Variants in CHD9 observed in about 807,000 individuals in gnomAD.
CHD9 encodes the protein chromodomain helicase DNA binding protein 9, also known as ATP-dependent chromatin remodeler CHD9.
CHD9 carries 77 observed loss-of-function variants against 316.1 expected under a neutral mutation model. The observed-to-expected ratio is 0.24, with a 90% confidence interval of 0.20 to 0.29. The LOEUF is 0.29. Ranked by LOEUF, CHD9 falls within the 10% of genes least tolerant of loss-of-function variation. The pLI is 1.00. For missense variants in CHD9, 2,763 were observed against 3,438.1 expected (o/e 0.80, Z 4.91); for synonymous variants, 1,129 against 1,158.3 (o/e 0.97, Z 0.51).
chr16:53,322,778 T>C (rs187104612), intron 38 of CHD9, among the ~76,000 whole-genome samples: 239 of 152,250 alleles, frequency 1.6e-3, no homozygotes, highest in African/African-American at 5.4e-3. Context: ...CTAAGTTCGC[T>C]GTGATTCTAT....
chr16:53,230,773 TGAA>T (rs34278050), intron 8 of CHD9, among the ~76,000 whole-genome samples: 42,156 of 151,854 alleles, frequency 0.28, 5,913 homozygotes, highest in Middle Eastern at 0.32. Flanking sequence ...GAAGTGAGGA[TGAA>T]GAAGGAGGAA....
intron 1 of CHD9, among the ~76,000 whole-genome samples, chr16:53,088,309 G>A (rs536941832): frequency 5.5e-5 from 7 of 128,048 alleles, no homozygotes; most frequent in African/African-American, 1.2e-4. Flanking sequence ...ATGGAGTCTC[G>A]TTCTGTCGCC....
Position 53,226,293 on chromosome 16 carries a change from C to A in CHD9, c.1897-73C>A, listed in dbSNP as rs2047649650. 3.8e-6 allele frequency: 4 copies of A among 1,053,090 alleles called. No individual in the cohort carries two copies. The East Asian group carries it at 1.1e-4, about 30-fold the overall frequency. The allele number at this position is 1,053,090 out of a possible 1,614,324, so 65.2% of individuals were successfully genotyped here. A position where few individuals can be genotyped will look rare whatever the true frequency, so the allele number is the denominator to read the frequency against. ...AATTTAATATACAAAATTGCCAACT[C>A]TAGGGGTAATTATTTTCAAAAACTT... On this transcript the variant is annotated intron_variant, in intron 4 of 38. Coordinates refer to ENST00000447540, the MANE Select transcript of CHD9 (RefSeq NM_001308319.2).
intron 1 of CHD9, among the ~76,000 whole-genome samples, chr16:53,144,304 A>G (rs1418752876): frequency 6.6e-6 from 1 of 152,208 alleles, no homozygotes; most frequent in African/African-American, 2.4e-5. Flanking sequence ...ACAAGCATCC[A>G]GTTAAAACCT....
chr16:53,144,161 A>G (rs944165858), intron 1 of CHD9, among the ~76,000 whole-genome samples: 1 of 152,152 alleles, frequency 6.6e-6, no homozygotes, highest in Non-Finnish European at 1.5e-5. Context: ...TTTCTTCCCA[A>G]TGAAGCTTAT....
chr16:53,236,793 T>A (rs1225697353), intron 11 of CHD9, among the ~76,000 whole-genome samples: 1 of 152,090 alleles, frequency 6.6e-6, no homozygotes, highest in Non-Finnish European at 1.5e-5. Context: ...TCCAACAGTT[T>A]CCACAGTGTG....
At chr16:53,310,832 CAA>C (rs2153094271) in intron 34 of CHD9, 1 of 149,574 alleles carries the variant, frequency 6.7e-6, no homozygotes, top group Non-Finnish European at 1.5e-5. Context: ...GCCTGGGCAA[CAA>C]GAGCGAAACC....
At chr16:53,155,339 C>A (rs561423738) in intron 1 of CHD9, among the ~76,000 whole-genome samples, 90 of 152,120 alleles carry the variant, frequency 5.9e-4, no homozygotes, top group African/African-American at 2.0e-3. Context: ...CCTCCCACCT[C>A]AGCCTCCCAG....
intron 1 of CHD9, 142 bp from the exon 2 acceptor site, chr16:53,155,784 T>A (rs886182317): frequency 1.0e-5 from 3 of 289,462 alleles, no homozygotes; most frequent in Non-Finnish European, 1.9e-5. Context: ...ACTTTTGACA[T>A]TTTATATAAA....
At chr16:53,058,081 A>G (rs2032376922) in intron 1 of CHD9, among the ~76,000 whole-genome samples, 1 of 152,104 alleles carries the variant, frequency 6.6e-6, no homozygotes, top group African/African-American at 2.4e-5. Flanking sequence ...AATAATATGT[A>G]TATATATCAA....
chr16:53,175,703 C>T (rs1018661118), intron 2 of CHD9, among the ~76,000 whole-genome samples: 17 of 152,128 alleles, frequency 1.1e-4, no homozygotes, highest in African/African-American at 4.1e-4. Flanking sequence ...ATTTTCAAAG[C>T]TTTGATATGA....
chr16:53,109,053 T>C (rs2037618398), intron 1 of CHD9, among the ~76,000 whole-genome samples: 1 of 152,192 alleles, frequency 6.6e-6, no homozygotes, highest in South Asian at 2.1e-4. Flanking sequence ...AATAATGAGA[T>C]GAGAGTCTGG....
intron 1 of CHD9, among the ~76,000 whole-genome samples, chr16:53,093,930 G>A (rs192036167): frequency 7.2e-5 from 11 of 152,280 alleles, no homozygotes; most frequent in Admixed American, 3.9e-4. Flanking sequence ...GTTCGATTGC[G>A]AGTGTCCCAG....
intron 20 of CHD9, among the ~76,000 whole-genome samples, chr16:53,266,120 A>G (rs922374816): frequency 2.0e-5 from 3 of 152,164 alleles, no homozygotes; most frequent in Admixed American, 6.6e-5. Context: ...ATTGTAGCAT[A>G]CAAGATCCAT....
intron 30 of CHD9, chr16:53,299,177 G>T (rs558505805): frequency 6.2e-6 from 1 of 161,782 alleles, no homozygotes; most frequent in East Asian, 1.8e-4. Flanking sequence ...GAAATAAATA[G>T]CCCTAACCTC....
intron 2 of CHD9, among the ~76,000 whole-genome samples, chr16:53,167,488 T>G (rs2042351248): frequency 6.6e-6 from 1 of 152,180 alleles, no homozygotes; most frequent in Non-Finnish European, 1.5e-5. Context: ...CTGATTCATT[T>G]CCAGTTGACA....
At chr16:53,314,310 A>AG in intron 34 of CHD9, 67 bp from the exon 35 acceptor site, 1 of 1,125,650 alleles carries the variant, frequency 8.9e-7, no homozygotes, top group Non-Finnish European at 1.2e-6. Context: ...TATTTAGGAA[A>AG]GGGATTACTT....
At chr16:53,204,058 T>TACACACACACACACAC (rs58259105) in intron 2 of CHD9, among the ~76,000 whole-genome samples, 2 of 62,964 alleles carry the variant, frequency 3.2e-5, no homozygotes, top group African/African-American at 8.9e-5. Flanking sequence ...AATATATATA[T>TACACACACACACACAC]ACACACACAC....
intron 2 of CHD9, among the ~76,000 whole-genome samples, chr16:53,164,420 A>G (rs538189719): frequency 6.6e-6 from 1 of 151,992 alleles, no homozygotes; most frequent in South Asian, 2.1e-4. Flanking sequence ...ACAAATATAT[A>G]TTTTTTTAAT....
Sources: allele counts gnomAD v4.1 joint callset (sites outside exome capture counted in the v4.1 genomes callset), GRCh38; gene constraint gnomAD v4.1.1; transcripts MANE v1.5; gene names NCBI Gene and HGNC (gene_info 2026-07-23, HGNC 2026-07-21).